Variants in CIB4 observed in about 807,000 individuals in gnomAD.
CIB4 encodes calcium and integrin binding family member 4, also known as calcium and integrin-binding family member 4.
Under a neutral mutation model 25.8 loss-of-function variants are expected in CIB4, and 25 were observed. The ratio of observed to expected loss-of-function variants is 0.97; its 90% CI spans 0.71 to 1.35. The LOEUF is 1.35. Among genes scored for constraint, CIB4 ranks in the 40% most tolerant of loss-of-function variants. CIB4 has a pLI of 0.00. For missense variants in CIB4, 235 were observed against 228.2 expected (o/e 1.03, Z -0.19); for synonymous variants, 75 against 81.4 (o/e 0.92, Z 0.42).
chr2:26,600,088 G>C (rs912232941), intron 3 of CIB4, among the ~76,000 whole-genome samples: 1 of 91,970 alleles, frequency 1.1e-5, no homozygotes, highest in Non-Finnish European at 2.1e-5. Flanking sequence ...AAAAAAAAAA[G>C]ATATGATTAA....
intron 3 of CIB4, 85 bp downstream of exon 3, chr2:26,629,325 C>T: frequency 1.2e-6 from 1 of 865,102 alleles, no homozygotes; most frequent in Non-Finnish European, 1.9e-6. Flanking sequence ...GAGTGCCCAC[C>T]TCACCCCACC....
chr2:26,627,129 C>A lies in CIB4; in HGVS notation c.186+2281G>T, dbSNP rs1669325736. Among the ~76,000 whole-genome samples the A allele has an allele frequency of 6.6e-6, 1 of 152,118 alleles. No individual in the cohort carries two copies. Among genetic ancestry groups the A allele is most frequent in the Non-Finnish European group, 1.5e-5 (1 of 68,026 alleles). Reference sequence around the variant, plus strand: ...AGGATGTGTTGAGGCCATGGGTCACCAACACCCTCTATGCCACCCCTCCAG... The same window carrying A: ...AGGATGTGTTGAGGCCATGGGTCACAAACACCCTCTATGCCACCCCTCCAG... On this transcript the variant is annotated intron_variant, in intron 3 of 6. Coordinates refer to ENST00000288861, the MANE Select transcript of CIB4 (RefSeq NM_001029881.3). This position sits in a 1 kb window ranked among gnomAD's most constrained non-coding sequence, Gnocchi z 4.0.
intron 3 of CIB4, among the ~76,000 whole-genome samples, chr2:26,601,231 A>AATAT (rs1165155834): frequency 5.3e-3 from 90 of 17,050 alleles, no homozygotes; most frequent in African/African-American, 6.2e-3. Flanking sequence ...AAAAAAAAAA[A>AATAT]ATATATATAT....
rs1184666733 is a variant in CIB4 at position 26,582,913 on chromosome 2, C to T, written c.439G>A (p.Val147Ile). The change falls in exon 6 of 7, where the codon GTC (valine) becomes ATC (isoleucine). Residue 147 changes from valine (V) to isoleucine (I), a missense_variant and splice_region_variant. Val to Ile is a conservative substitution (Grantham distance 29). Coordinates refer to ENST00000288861, the MANE Select transcript of CIB4 (RefSeq NM_001029881.3). ...EDLLMDLTNH[V>I]LSESDLDNDN... ...TTGTCCAGATCCGACTCACTCAGGA[C>T]CTGGCGAGGGAGCACAGAAGACAGT... 1 of 1,610,594 alleles carries T rather than the reference C, an allele frequency of 6.2e-7. No individual in the cohort carries two copies. Among genetic ancestry groups the T allele is most frequent in the Admixed American group, 1.7e-5 (1 of 59,980 alleles).
intron 4 of CIB4, among the ~76,000 whole-genome samples, chr2:26,593,325 T>C (rs1405387030): frequency 6.6e-6 from 1 of 151,930 alleles, no homozygotes; most frequent in Non-Finnish European, 1.5e-5. Flanking sequence ...TGTGTGTGTA[T>C]ATGTGTGTGT....
chr2:26,590,696 T>G (rs571221663), intron 4 of CIB4, among the ~76,000 whole-genome samples: 1 of 152,314 alleles, frequency 6.6e-6, no homozygotes, highest in Admixed American at 6.5e-5. Flanking sequence ...TAAAGAAACC[T>G]TCCGAGCCCA....
At chr2:26,612,578 C>A in intron 3 of CIB4, among the ~76,000 whole-genome samples, 1 of 152,058 alleles carries the variant, frequency 6.6e-6, no homozygotes, top group East Asian at 1.9e-4. Flanking sequence ...GGAAGGGACT[C>A]AAGAAGTGGG....
chr2:26,588,949 C>T (rs1668505770), intron 4 of CIB4, among the ~76,000 whole-genome samples: 2 of 151,446 alleles, frequency 1.3e-5, no homozygotes. Context: ...GCTGTCCCTG[C>T]TGGCTGCTGC....
intron 3 of CIB4, among the ~76,000 whole-genome samples, chr2:26,606,587 A>C (rs1199355659): frequency 6.6e-6 from 1 of 152,156 alleles, no homozygotes; most frequent in Non-Finnish European, 1.5e-5. Context: ...TGGACTCTGA[A>C]ACCCCTCAGA....
At chr2:26,625,350 T>G (rs1347404485) in intron 3 of CIB4, among the ~76,000 whole-genome samples, 4 of 19,178 alleles carry the variant, frequency 2.1e-4, no homozygotes, top group Admixed American at 8.6e-4. Flanking sequence ...AAGGACAGCC[T>G]TTTTTTTTTT....
chr2:26,616,933 C>T (rs1669103880), intron 3 of CIB4, among the ~76,000 whole-genome samples: 1 of 152,134 alleles, frequency 6.6e-6, no homozygotes, highest in South Asian at 2.1e-4. Context: ...CAAACGATTG[C>T]CTCTAAAGGA....
intron 4 of CIB4, among the ~76,000 whole-genome samples, chr2:26,589,083 C>T (rs1668526699): frequency 1.0e-5 from 1 of 96,246 alleles, no homozygotes; most frequent in Non-Finnish European, 2.0e-5. Context: ...TCTTCTTCTT[C>T]TTCTTCTTCT....
chr2:26,581,437 AG>A (rs1182257309), intron 6 of CIB4, 44 bp from the exon 7 acceptor site: 9 of 1,605,538 alleles, frequency 5.6e-6, no homozygotes, highest in Non-Finnish European at 7.7e-6. Context: ...CGCAGGTCCA[AG>A]GGGCCCTCTG....
In CIB4 at chr2:26,627,519, C is replaced by T. The variant is rs573985313; in HGVS notation, c.186+1891G>A. On this transcript the variant is annotated intron_variant, in intron 3 of 6. Transcript: ENST00000288861. This position sits in a 1 kb window ranked among gnomAD's most constrained non-coding sequence, Gnocchi z 4.0. ...CCCTGCCTGTCTGGCTGGCCCTGACCCCGGGTCCCTTAGTGGATGGCCTGG... is the reference window on the plus strand; with the variant it reads ...CCCTGCCTGTCTGGCTGGCCCTGACTCCGGGTCCCTTAGTGGATGGCCTGG... 6.6e-6 allele frequency among the ~76,000 whole-genome samples: 1 copy of T among 152,068 alleles called. No homozygotes were observed. Among genetic ancestry groups the T allele is most frequent in the African/African-American group, 2.4e-5 (1 of 41,392 alleles).
chr2:26,614,464 G>C (rs558129041), intron 3 of CIB4, among the ~76,000 whole-genome samples: 2 of 152,196 alleles, frequency 1.3e-5, no homozygotes, highest in Non-Finnish European at 2.9e-5. Context: ...ATTTGCACTA[G>C]AGGGAGGAGG....
chr2:26,637,419 T>C (rs1332698715), intron 2 of CIB4, among the ~76,000 whole-genome samples: 2 of 152,040 alleles, frequency 1.3e-5, no homozygotes, highest in East Asian at 1.9e-4. Flanking sequence ...TTTGTCCTTA[T>C]GGGTTTCTTT....
intron 3 of CIB4, among the ~76,000 whole-genome samples, chr2:26,617,147 T>TGTGTGTGTGTGCGCGC (rs10665609): frequency 0.07 from 10,473 of 150,372 alleles, 550 homozygotes; most frequent in Admixed American, 0.19. Flanking sequence ...TGTGTGTGTG[T>TGTGTGTGTGTGCGCGC]GCACGTGAGC....
Position 26,584,425 on chromosome 2 carries a change from C to T in CIB4, c.329-527G>A, listed in dbSNP as rs556420784. 5.3e-5 allele frequency among the ~76,000 whole-genome samples: 8 copies of T among 152,342 alleles called. No individual in the cohort carries two copies. In the East Asian group the frequency reaches 1.4e-3, roughly 26 times the overall value. On this transcript the variant is annotated intron_variant, in intron 4 of 6. Transcript: ENST00000288861. The stretch of plus-strand genomic sequence containing the variant: ...GAAGGCCTGGATCCCAGTCCCTGCT[C>T]CTGTCCCGATGTGGTAGCTCTGTGA...
At chr2:26,600,354 A>G (rs1262268778) in intron 3 of CIB4, among the ~76,000 whole-genome samples, 2 of 152,212 alleles carry the variant, frequency 1.3e-5, no homozygotes, top group Admixed American at 6.5e-5. Context: ...CAGTGAGCCG[A>G]GATCGTGCCA....
Sources: allele counts gnomAD v4.1 joint callset (sites outside exome capture counted in the v4.1 genomes callset), GRCh38; gene constraint gnomAD v4.1.1; non-coding constraint Gnocchi (gnomAD v3.1); transcripts MANE v1.5; gene names NCBI Gene and HGNC (gene_info 2026-07-23, HGNC 2026-07-21).